Variants in CDH13 observed in about 807,000 individuals in gnomAD.
CDH13 encodes cadherin-13.
A neutral mutation model predicts 63.8 loss-of-function variants in CDH13; 24 were observed. That is an observed-to-expected ratio of 0.38 (90% CI 0.27 to 0.53). The LOEUF is 0.53. Ranked by LOEUF, CDH13 falls within the 20% of genes least tolerant of loss-of-function variation. CDH13 has a pLI of 0.85. For synonymous variants in CDH13, 503 were observed against 355.3 expected, an observed-to-expected ratio of 1.42 and a Z score of -4.67; for missense variants, 1,049 against 903.1, an observed-to-expected ratio of 1.16 and a Z score of -2.07.
intron 2 of CDH13, among the ~76,000 whole-genome samples, chr16:82,901,699 C>T (rs556460904): frequency 5.9e-5 from 9 of 152,212 alleles, no homozygotes; most frequent in Middle Eastern, 3.4e-3. Flanking sequence ...TACAGGGCTG[C>T]GGCATGTGCT....
chr16:83,377,656 A>G (rs916200986), intron 6 of CDH13, among the ~76,000 whole-genome samples: 1 of 152,226 alleles, frequency 6.6e-6, no homozygotes, highest in Non-Finnish European at 1.5e-5. Context: ...GACACTTTGC[A>G]AGGCTCCAAC....
chr16:82,902,750 G>A (rs1013561863), intron 2 of CDH13, among the ~76,000 whole-genome samples: 7 of 152,106 alleles, frequency 4.6e-5, no homozygotes, highest in South Asian at 2.1e-4. Context: ...TTTCCCCAAC[G>A]AAACCTACCA....
At chr16:82,639,330 C>T in intron 1 of CDH13, 1 of 1,487,784 alleles carries the variant, frequency 6.7e-7, no homozygotes, top group Non-Finnish European at 9.1e-7. Flanking sequence ...CATTTGTGTT[C>T]TTTGTCTCCA....
At chr16:82,840,756 A>G (rs978938033) in intron 1 of CDH13, among the ~76,000 whole-genome samples, 2 of 152,004 alleles carry the variant, frequency 1.3e-5, no homozygotes, top group Non-Finnish European at 2.9e-5. Context: ...GATCTAGATG[A>G]CAGTAAATAT....
intron 8 of CDH13, among the ~76,000 whole-genome samples, chr16:83,605,431 T>A (rs1908234574): frequency 6.6e-6 from 1 of 151,976 alleles, no homozygotes; most frequent in African/African-American, 2.4e-5. Context: ...GATTGAGAAG[T>A]AAGGAGGGGG....
chr16:83,434,631 C>T (rs1422859357), intron 6 of CDH13, among the ~76,000 whole-genome samples: 5 of 151,882 alleles, frequency 3.3e-5, no homozygotes. Context: ...AGATACCAAT[C>T]AGTAATCATG....
intron 3 of CDH13, among the ~76,000 whole-genome samples, chr16:83,043,070 A>G (rs2151490848): frequency 6.6e-6 from 1 of 152,352 alleles, no homozygotes; most frequent in African/African-American, 2.4e-5. Flanking sequence ...TACGGATCCA[A>G]GAATTGGGCC....
intron 2 of CDH13, among the ~76,000 whole-genome samples, chr16:82,872,766 G>A (rs144364350): frequency 4.7e-4 from 72 of 152,268 alleles, no homozygotes; most frequent in East Asian, 2.7e-3. Context: ...GATAGAAATA[G>A]GGAATGGAAA....
At chr16:83,090,555 C>G (rs2033851837) in intron 3 of CDH13, among the ~76,000 whole-genome samples, 1 of 124,318 alleles carries the variant, frequency 8.0e-6, no homozygotes, top group Non-Finnish European at 1.6e-5. Flanking sequence ...GACTGGGCGA[C>G]AAAGCGAAAC....
chr16:82,953,287 T>C (rs1391957948), intron 2 of CDH13: 1 of 152,208 alleles, frequency 6.6e-6, no homozygotes, highest in Non-Finnish European at 1.5e-5. Flanking sequence ...TTGCCAAATA[T>C]GGCCATAAAG....
intron 1 of CDH13, among the ~76,000 whole-genome samples, chr16:82,746,087 T>A (rs2034150965): frequency 6.6e-6 from 1 of 151,994 alleles, no homozygotes; most frequent in Admixed American, 6.6e-5. Flanking sequence ...TCTATGTCTT[T>A]CTATTTCTCT....
chr16:83,322,138 G>C (rs989424483), intron 5 of CDH13, among the ~76,000 whole-genome samples: 1 of 151,174 alleles, frequency 6.6e-6, no homozygotes, highest in South Asian at 2.1e-4. Flanking sequence ...GGATCGTTGA[G>C]GGGGGTCAGG....
chr16:83,112,764 T>C (rs1000221098), intron 3 of CDH13, among the ~76,000 whole-genome samples: 2 of 152,232 alleles, frequency 1.3e-5, no homozygotes, highest in East Asian at 1.9e-4. Context: ...AAAATATCTG[T>C]ACCTTTTTCT....
chr16:83,051,305 C>T (rs2030310025), intron 3 of CDH13, among the ~76,000 whole-genome samples: 1 of 152,142 alleles, frequency 6.6e-6, no homozygotes, highest in African/African-American at 2.4e-5. Context: ...TGGTATGTTT[C>T]CTTCCACATC....
At chr16:82,710,532 CAAAAAAAA>C (rs71913517) in intron 1 of CDH13, among the ~76,000 whole-genome samples, 61 of 55,908 alleles carry the variant, frequency 1.1e-3, no homozygotes, top group African/African-American at 4.1e-3. Flanking sequence ...GACTCTGTCT[CAAAAAAAA>C]AAAAAAAAAA....
intron 5 of CDH13, among the ~76,000 whole-genome samples, chr16:83,251,576 C>G (rs192514379): frequency 1.1e-4 from 17 of 152,320 alleles, no homozygotes; most frequent in African/African-American, 3.8e-4. Flanking sequence ...GTGACTGAAT[C>G]CTGAATGTCA....
intron 6 of CDH13, among the ~76,000 whole-genome samples, chr16:83,438,537 A>T (rs1387430214): frequency 3.3e-5 from 5 of 152,216 alleles, no homozygotes; most frequent in Admixed American, 6.5e-5. Flanking sequence ...TGGAGTCTTT[A>T]TTTCTAGTAC....
chr16:83,054,323 A>G (rs922021733), intron 3 of CDH13, among the ~76,000 whole-genome samples: 2 of 152,342 alleles, frequency 1.3e-5, no homozygotes, highest in African/African-American at 2.4e-5. Flanking sequence ...ACAATAACGA[A>G]TAGTAAAATA....
intron 1 of CDH13, among the ~76,000 whole-genome samples, chr16:82,643,521 A>C (rs888562564): frequency 6.6e-6 from 1 of 152,236 alleles, no homozygotes; most frequent in Non-Finnish European, 1.5e-5. Flanking sequence ...ACTGGTTCTT[A>C]CATGTGTTTC....
Sources: allele counts gnomAD v4.1 joint callset (sites outside exome capture counted in the v4.1 genomes callset), GRCh38; gene constraint gnomAD v4.1.1; transcripts MANE v1.5; gene names NCBI Gene and HGNC (gene_info 2026-07-23, HGNC 2026-07-21).